The following NDST2 variants were observed in gnomAD, a reference collection of about 807,000 sequenced individuals.
The protein encoded by NDST2 is bifunctional heparan sulfate N-deacetylase/N-sulfotransferase 2.
NDST2 carries 32 observed loss-of-function variants against 86.9 expected under a neutral mutation model. That is an observed-to-expected ratio of 0.37 (90% confidence interval 0.28 to 0.49). The LOEUF is 0.49. Ranked by LOEUF, NDST2 falls within the 20% of genes least tolerant of loss-of-function variation. The pLI, the probability that NDST2 is intolerant of heterozygous loss-of-function variation, is 0.97. For missense variants in NDST2, 950 were observed against 1,146.9 expected (o/e 0.83, Z 2.48); for synonymous variants, 409 against 437.0 (o/e 0.94, Z 0.80).
Position 73,803,193 on chromosome 10 carries a change from C to T in NDST2, c.2309G>A (p.Gly770Glu). The T allele has an allele frequency of 6.2e-7, 1 of 1,614,100 alleles. No individual in the cohort carries two copies. The highest frequency in any genetic ancestry group is 8.5e-7 in the Non-Finnish European group (1 of 1,180,014). ...GGGCTCTTGTGGGGATTATACCTGT[C>T]CAGAGGGGTAGTAAGTCAGCCAGCG... Reference protein sequence around the residue: ...LQRWLTYYPSGQLLIVDGQEL... With the variant: ...LQRWLTYYPSEQLLIVDGQEL... The change falls in exon 12 of 15, where the codon GGA becomes GAA. Residue 770 changes from glycine (G) to glutamate (E), a missense_variant. Physicochemically the swap from Gly to Glu is moderately conservative, Grantham distance 98. Around this residue, in one of 5 missense-constraint regions of NDST2, gnomAD observed 303 missense variants for 323.7 expected, o/e 0.94. Coordinates refer to ENST00000309979, the MANE Select transcript of NDST2 (RefSeq NM_003635.4).
intron 2 of NDST2, among the ~76,000 whole-genome samples, chr10:73,809,396 T>TG (rs1391824162): frequency 6.6e-6 from 1 of 152,202 alleles, no homozygotes; most frequent in African/African-American, 2.4e-5. Context: ...TACCTGCCCC[T>TG]GACCTTCACC....
At chr10:73,810,579 T>C in intron 2 of NDST2, 1 of 374,876 alleles carries the variant, frequency 2.7e-6, no homozygotes, top group East Asian at 3.8e-5. Flanking sequence ...ATGCTAAGAA[T>C]GTGATGCAAC....
At position 73,802,333 on chromosome 10, in the gene NDST2, G is replaced by C. The variant is rs1016191211; in HGVS notation, c.*118C>G. The C allele has an allele frequency of 9.1e-7, 1 of 1,099,506 alleles. No individual in the cohort carries two copies. Among genetic ancestry groups the C allele is most frequent in the African/African-American group, 1.6e-5 (1 of 64,110 alleles). The allele number at this position is 1,099,506 out of a possible 1,614,324, so 68.1% of individuals were successfully genotyped here. On this transcript the variant is annotated 3_prime_UTR_variant, in exon 15 of 15. Transcript: ENST00000309979. ...TCCCTTCTCAGCCATCTCAGGCCTG[G>C]GGGCTACTGAGGTAGAGGGGGAGGG...
At position 73,810,785 on chromosome 10, in the gene NDST2, G is replaced by C. The variant is rs904530274; in HGVS notation, c.-342+14C>G. 1 of 399,026 alleles carries C rather than the reference G, an allele frequency of 2.5e-6. No homozygotes were observed. The highest frequency in any genetic ancestry group is 4.4e-6 in the Non-Finnish European group (1 of 226,044). 24.7% of individuals were successfully genotyped at this position (399,026 alleles called of 1,614,324 possible). On this transcript the variant is annotated intron_variant, in intron 2 of 14. Coordinates refer to ENST00000309979, the MANE Select transcript of NDST2 (RefSeq NM_003635.4). ...CCCCATTTCACATATGAGTAACTCA[G>C]AGAAGCTTAGAACCTTGCCCAGGAT...
At chr10:73,803,830 A>G in intron 10 of NDST2, 63 bp downstream of exon 10, 1 of 1,613,770 alleles carries the variant, frequency 6.2e-7, no homozygotes, top group Admixed American at 1.7e-5. Context: ...GGAAGCTGGA[A>G]TGGGGTATTT....
Position 73,807,090 on chromosome 10 carries a change from G to C in NDST2, c.1093+18C>G, listed in dbSNP as rs756734119. 2.5e-6 allele frequency: 4 copies of C among 1,606,622 alleles called. No homozygotes were observed. In the Admixed American group the frequency reaches 5.0e-5, roughly 20 times the overall value. On this transcript the variant is annotated intron_variant, in intron 4 of 14. Coordinates refer to ENST00000309979, the MANE Select transcript of NDST2 (RefSeq NM_003635.4). ...GGTCAAACTATGATATGCCAAAGGAGTAGGGGTATAAGCTCACCAGTATGA... is the reference window on the plus strand; with the variant it reads ...GGTCAAACTATGATATGCCAAAGGACTAGGGGTATAAGCTCACCAGTATGA...
At chr10:73,809,285 G>A (rs1262543160) in intron 2 of NDST2, among the ~76,000 whole-genome samples, 1 of 152,196 alleles carries the variant, frequency 6.6e-6, no homozygotes, top group Non-Finnish European at 1.5e-5. Context: ...ACTATGGTGG[G>A]GGAGTTCAAA....
chr10:73,806,540 G>C lies in NDST2; in HGVS notation c.1249-66C>G. ...TGGGGAGTAGAGGGTAAAGAGGGTG[G>C]GGAAGCCTCCAAATAAAGAAAAACG... On this transcript the variant is annotated intron_variant, in intron 5 of 14. Coordinates refer to ENST00000309979, the MANE Select transcript of NDST2 (RefSeq NM_003635.4). This position sits in a 1 kb window ranked among gnomAD's most constrained non-coding sequence, Gnocchi z 4.5. The C allele has an allele frequency of 6.5e-7, 1 of 1,550,086 alleles. No individual in the cohort carries two copies. The highest frequency in any genetic ancestry group is 8.8e-7 in the Non-Finnish European group (1 of 1,142,854).
intron 11 of NDST2, 53 bp from the exon 12 acceptor site, chr10:73,803,412 C>T: frequency 1.2e-6 from 2 of 1,603,474 alleles, no homozygotes; most frequent in Admixed American, 3.3e-5. Flanking sequence ...CAGTATTCTG[C>T]CCTTACGCTT....
intron 8 of NDST2, 26 bp downstream of exon 8, chr10:73,805,561 C>G (rs200019792): frequency 1.2e-6 from 2 of 1,611,442 alleles, no homozygotes; most frequent in East Asian, 4.5e-5. Flanking sequence ...TATCATGTCT[C>G]TCATCAGACT....
At position 73,806,062 on chromosome 10, in the gene NDST2, AAGAT is replaced by A; in HGVS notation, c.1435-38_1435-35del. On this transcript the variant is annotated intron_variant, in intron 6 of 14. Coordinates refer to ENST00000309979, the MANE Select transcript of NDST2 (RefSeq NM_003635.4). This position sits in a 1 kb window ranked among gnomAD's most constrained non-coding sequence, Gnocchi z 4.5. ...AAAAGAAAAAACAGATGAGATTTGA[AAGAT>A]AGAATGAGAAGTAGATGGAGGACAC... 2 of 1,610,544 alleles carry A rather than the reference AAGAT, an allele frequency of 1.2e-6. No individual in the cohort carries two copies. Among genetic ancestry groups the A allele is most frequent in the Non-Finnish European group, 1.7e-6 (2 of 1,178,546 alleles).
chr10:73,810,097 C>T (rs928439380), intron 2 of NDST2, among the ~76,000 whole-genome samples: 13 of 152,188 alleles, frequency 8.5e-5, no homozygotes, highest in Admixed American at 7.9e-4. Context: ...CTACCACCCA[C>T]CCCCAAACAC....
In NDST2 at chr10:73,805,929, C is replaced by G; in HGVS notation, c.1534G>C (p.Glu512Gln). Residue 512 changes from glutamate to glutamine, a missense_variant, in exon 7 of 15, where the codon GAG becomes CAG. Coordinates refer to ENST00000309979, the MANE Select transcript of NDST2 (RefSeq NM_003635.4). ...RELDRSIRGGELFLTVLLNPI... is the reference protein window; with the variant it reads ...RELDRSIRGGQLFLTVLLNPI... ...TTAAGCAGCACTGTCAGAAAGAGCT[C>G]TCCACCTCGGATGCTCCGGTCTAGT... is the stretch of plus-strand genomic sequence containing the variant. 1 of 1,614,226 alleles carries G rather than the reference C, an allele frequency of 6.2e-7. No individual in the cohort carries two copies. The highest frequency in any genetic ancestry group is 8.5e-7 in the Non-Finnish European group (1 of 1,180,038).
chr10:73,804,148 T>C, intron 9 of NDST2, 132 bp from the exon 10 acceptor site: 1 of 993,868 alleles, frequency 1.0e-6, no homozygotes, highest in Non-Finnish European at 1.5e-6. Flanking sequence ...ACTACAATGA[T>C]AGGAGGCAAG....
Position 73,806,790 on chromosome 10 carries a change from C to T in NDST2, c.1115G>A (p.Gly372Glu). ...GCGGTGCTTCAGCAGCATGTCGTCC[C>T]CTGCATCCTCCTCCTCTGTCCCTAT... Reference protein sequence around the residue: ...YHTGTEEEDAGDDMLLKHRKE... With the variant: ...YHTGTEEEDAEDDMLLKHRKE... Residue 372 changes from glycine to glutamate, a missense_variant, in exon 5 of 15, where the codon GGG (glycine) becomes GAG (glutamate). Gly to Glu is a moderately conservative substitution (Grantham distance 98, BLOSUM62 -2). Coordinates refer to ENST00000309979, the MANE Select transcript of NDST2 (RefSeq NM_003635.4). The surrounding 1 kb of genome is among the most constrained non-coding windows in gnomAD (Gnocchi z 4.5). The T allele has an allele frequency of 6.2e-7, 1 of 1,614,116 alleles. No individual in the cohort carries two copies. Among genetic ancestry groups the T allele is most frequent in the Non-Finnish European group, 8.5e-7 (1 of 1,180,000 alleles).
Position 73,808,055 on chromosome 10 carries a change from GA to G in NDST2, c.333del (p.Arg112ValfsTer16). On this transcript the variant is annotated frameshift_variant, in exon 3 of 15. Coordinates refer to ENST00000309979, the MANE Select transcript of NDST2 (RefSeq NM_003635.4). LOFTEE classifies it high-confidence loss of function. This position sits in a 1 kb window ranked among gnomAD's most constrained non-coding sequence, Gnocchi z 4.3. ...EIVAILESSR[F>X]RYSTELAPGR... ...CCAGGTGCCAACTCAGTGCTATAACGAAAACGACTAGACTCCAGGATGGCCA... is the reference window on the plus strand; with the variant it reads ...CCAGGTGCCAACTCAGTGCTATAACGAAACGACTAGACTCCAGGATGGCCA... The G allele has an allele frequency of 1.2e-6, 2 of 1,614,040 alleles. No homozygotes were observed. The highest frequency in any genetic ancestry group is 1.7e-6 in the Non-Finnish European group (2 of 1,180,040).
chr10:73,806,231 T>C lies in NDST2; in HGVS notation c.1434+58A>G. ...TTGATAGAGAACATAGGTCAATGCA[T>C]GTTGAAAGCTGTCTAAATGTTAGAG... is the stretch of plus-strand genomic sequence containing the variant. On this transcript the variant is annotated intron_variant, in intron 6 of 14. Coordinates refer to ENST00000309979, the MANE Select transcript of NDST2 (RefSeq NM_003635.4). The surrounding 1 kb of genome is among the most constrained non-coding windows in gnomAD (Gnocchi z 4.5). 1.9e-6 allele frequency: 3 copies of C among 1,599,332 alleles called. No individual in the cohort carries two copies. Among genetic ancestry groups the C allele is most frequent in the Non-Finnish European group, 2.6e-6 (3 of 1,168,250 alleles).
At position 73,803,957 on chromosome 10, in the gene NDST2, T is replaced by G. The variant is rs1287024725; in HGVS notation, c.1903A>C (p.Ser635Arg). ...TGAATCTCCTCAAATGTGCTGGGGC[T>G]AGGGAAGCTGCTAGTTACAGCTGGG... Reference protein sequence around the residue: ...LHPAVTSSFPSPSTFEEIQFF... With the variant: ...LHPAVTSSFPRPSTFEEIQFF... The change falls in exon 10 of 15, where the codon AGC (serine) becomes CGC (arginine). Residue 635 changes from serine (S) to arginine (R), a missense_variant. Physicochemically the swap from Ser to Arg is moderately radical, Grantham distance 110. Around this residue, in one of 5 missense-constraint regions of NDST2, gnomAD observed 303 missense variants for 323.7 expected, o/e 0.94. Coordinates refer to ENST00000309979, the MANE Select transcript of NDST2 (RefSeq NM_003635.4). The G allele has an allele frequency of 6.2e-7, 1 of 1,614,122 alleles. No individual in the cohort carries two copies. The highest frequency in any genetic ancestry group is 1.1e-5 in the South Asian group (1 of 91,088).
At position 73,808,025 on chromosome 10, in the gene NDST2, C is replaced by G; in HGVS notation, c.364G>C (p.Gly122Arg). ...TTATCAGTCAATGTGGGCATGTCCCCTCGGCCAGGTGCCAACTCAGTGCTA... is the reference window on the plus strand; with the variant it reads ...TTATCAGTCAATGTGGGCATGTCCCGTCGGCCAGGTGCCAACTCAGTGCTA... ...RYSTELAPGR[G>R]DMPTLTDNTH... Residue 122 changes from glycine to arginine, a missense_variant, in exon 3 of 15, where the codon GGG becomes CGG. By Grantham distance (125) the Gly-to-Arg change is moderately radical. Around this residue, in one of 5 missense-constraint regions of NDST2, gnomAD observed 586 missense variants for 714.0 expected, o/e 0.82. Transcript: ENST00000309979. This position sits in a 1 kb window ranked among gnomAD's most constrained non-coding sequence, Gnocchi z 4.3. 6.2e-7 allele frequency: 1 copy of G among 1,614,264 alleles called. No individual in the cohort carries two copies. The highest frequency in any genetic ancestry group is 1.1e-5 in the South Asian group (1 of 91,092).
Sources: gnomAD v4.1 joint callset for allele counts (sites outside exome capture counted in the v4.1 genomes callset) on GRCh38, gnomAD v4.1.1 for gene constraint, gnomAD v4.1.1 regional missense constraint, Gnocchi (gnomAD v3.1) non-coding constraint, MANE v1.5 for transcripts, NCBI Gene and HGNC (gene_info 2026-07-23, HGNC 2026-07-21) for gene names.